ADAM2: variants seen among roughly 807,000 people sequenced by gnomAD.
ADAM2 encodes the protein disintegrin and metalloproteinase domain-containing protein 2.
A neutral mutation model predicts 99.3 loss-of-function variants in ADAM2; 101 were observed. That is an observed-to-expected ratio of 1.02 (90% CI 0.87 to 1.20). ADAM2 has a LOEUF of 1.20. Among genes scored for constraint, ADAM2 ranks in the 50% most tolerant of loss-of-function variants. ADAM2 has a pLI of 0.00. For synonymous variants in ADAM2, 323 were observed against 287.6 expected, an observed-to-expected ratio of 1.12 and a Z score of -1.25; for missense variants, 948 against 878.7, an observed-to-expected ratio of 1.08 and a Z score of -1.00.
At chr8:39,760,746 A>AT (rs1425311638) in intron 15 of ADAM2, among the ~76,000 whole-genome samples, 7 of 151,676 alleles carry the variant, frequency 4.6e-5, no homozygotes, top group African/African-American at 1.5e-4. Context: ...AAATAAAAAA[A>AT]AAACACATTT....
chr8:39,804,659 G>C (rs986727547), intron 7 of ADAM2, among the ~76,000 whole-genome samples: 1 of 152,038 alleles, frequency 6.6e-6, no homozygotes, highest in South Asian at 2.1e-4. Flanking sequence ...GGAAGAAATA[G>C]TTACGTTGAC....
At chr8:39,760,457 C>T (rs1016798044) in intron 15 of ADAM2, among the ~76,000 whole-genome samples, 13 of 152,302 alleles carry the variant, frequency 8.5e-5, no homozygotes, top group African/African-American at 3.1e-4. Flanking sequence ...CGCGGTGGCT[C>T]ACGCCTATAA....
At chr8:39,832,944 A>G (rs1805676302) in intron 3 of ADAM2, among the ~76,000 whole-genome samples, 1 of 152,154 alleles carries the variant, frequency 6.6e-6, no homozygotes, top group South Asian at 2.1e-4. Context: ...ATCTACTGTT[A>G]TGCTTACATT....
intron 2 of ADAM2, among the ~76,000 whole-genome samples, chr8:39,835,432 C>G (rs981197104): frequency 1.3e-5 from 2 of 152,070 alleles, no homozygotes; most frequent in Non-Finnish European, 2.9e-5. Context: ...CGCCTGTAAT[C>G]CCAGAACTTT....
rs376236129 is a variant in ADAM2 at position 39,775,681 on chromosome 8, G to A, written c.1028+1344C>T. Among the ~76,000 whole-genome samples the A allele has an allele frequency of 8.5e-5, 13 of 152,228 alleles. No individual in the cohort carries two copies. The East Asian group carries it at 2.1e-3, about 25-fold the overall frequency. The stretch of plus-strand genomic sequence containing the variant: ...TTAGAAAATCCCTACAAGGATATTA[G>A]TGTATGGTGACTGAGAAATATTGGT... On this transcript the variant is annotated intron_variant, in intron 11 of 20. Coordinates refer to ENST00000265708, the MANE Select transcript of ADAM2 (RefSeq NM_001464.5).
At chr8:39,782,957 G>A (rs2129585003) in intron 10 of ADAM2, among the ~76,000 whole-genome samples, 1 of 152,170 alleles carries the variant, frequency 6.6e-6, no homozygotes, top group Non-Finnish European at 1.5e-5. Context: ...GATGGAGTTA[G>A]ATCATCTACA....
In ADAM2 at chr8:39,838,211, G is replaced by A; in HGVS notation, c.-26C>T. 9.3e-6 allele frequency: 15 copies of A among 1,613,970 alleles called. No individual in the cohort carries two copies. Among genetic ancestry groups the A allele is most frequent in the Non-Finnish European group, 1.3e-5 (15 of 1,179,862 alleles). On this transcript the variant is annotated 5_prime_UTR_variant, in exon 1 of 21. Coordinates refer to ENST00000265708, the MANE Select transcript of ADAM2 (RefSeq NM_001464.5). ...GGCTTGAAGTCCTGGGTCCCAGCCG[G>A]AATAATGGCAGTTGGTGGTTACAGG...
At chr8:39,811,626 T>C (rs553481777) in intron 6 of ADAM2, among the ~76,000 whole-genome samples, 64 of 152,170 alleles carry the variant, frequency 4.2e-4, no homozygotes, top group African/African-American at 1.4e-3. Flanking sequence ...GTTCAACATA[T>C]TCAAATCAAT....
Position 39,809,401 on chromosome 8 carries a change from T to A in ADAM2, c.570+9A>T, listed in dbSNP as rs746027071. ...ATTAAGGGACATAAATAAATCAGAA[T>A]ATACTTACCAATTGTTTTTCAACTA... On this transcript the variant is annotated intron_variant, in intron 7 of 20. Coordinates refer to ENST00000265708, the MANE Select transcript of ADAM2 (RefSeq NM_001464.5). 4 of 1,059,338 alleles carry A rather than the reference T, an allele frequency of 3.8e-6. No homozygotes were observed. The highest frequency in any genetic ancestry group is 5.8e-6 in the Non-Finnish European group (4 of 691,190). The allele number at this position is 1,059,338 out of a possible 1,614,324, so 65.6% of individuals were successfully genotyped here. A position where few individuals can be genotyped will look rare whatever the true frequency, so the allele number is the denominator to read the frequency against.
At chr8:39,789,285 T>C (rs1271343280) in intron 7 of ADAM2, among the ~76,000 whole-genome samples, 2 of 151,712 alleles carry the variant, frequency 1.3e-5, no homozygotes, top group Non-Finnish European at 3.0e-5. Context: ...ACAATCGTAT[T>C]TAAAGACTTA....
intron 6 of ADAM2, among the ~76,000 whole-genome samples, chr8:39,820,559 G>A (rs1238637243): frequency 7.9e-5 from 12 of 152,048 alleles, no homozygotes; most frequent in Admixed American, 7.9e-4. Flanking sequence ...ACTTTCTGAG[G>A]ATATTAAATA....
intron 18 of ADAM2, among the ~76,000 whole-genome samples, chr8:39,748,120 A>G (rs112325617): frequency 2.0e-5 from 3 of 152,296 alleles, no homozygotes; most frequent in African/African-American, 7.2e-5. Flanking sequence ...TTCTGAGTGC[A>G]ATCAAATTTC....
intron 7 of ADAM2, among the ~76,000 whole-genome samples, chr8:39,804,043 G>A (rs923962498): frequency 6.6e-6 from 1 of 152,190 alleles, no homozygotes; most frequent in African/African-American, 2.4e-5. Flanking sequence ...AAGGAAAACA[G>A]AGTGCATGAT....
At chr8:39,783,614 AATTGTCGC>A (rs1401076621) in intron 10 of ADAM2, among the ~76,000 whole-genome samples, 1 of 152,150 alleles carries the variant, frequency 6.6e-6, no homozygotes, top group Admixed American at 6.6e-5. Context: ...AAAGACGTAT[AATTGTCGC>A]ATTGTAACCC....
chr8:39,769,387 C>G lies in ADAM2; in HGVS notation c.1212+5G>C, dbSNP rs780807722. 1 of 1,607,658 alleles carries G rather than the reference C, an allele frequency of 6.2e-7. No individual in the cohort carries two copies. The highest frequency in any genetic ancestry group is 8.5e-7 in the Non-Finnish European group (1 of 1,176,090). ...CAGTGCGTAGTCTTCCGAATTAGTA[C>G]CAACCTGTTCAGTCCCACAGTCACA... On this transcript the variant is annotated splice_donor_5th_base_variant and intron_variant, in intron 12 of 20. Transcript: ENST00000265708.
At chr8:39,749,040 A>C (rs1823592336) in intron 18 of ADAM2, among the ~76,000 whole-genome samples, 1 of 152,038 alleles carries the variant, frequency 6.6e-6, no homozygotes. Context: ...CAATTACCGG[A>C]TGCCTTACAC....
rs1163890271 is a variant in ADAM2, at chr8:39,821,675, A to G, written c.268-13T>C. The G allele has an allele frequency of 6.5e-7, 1 of 1,527,626 alleles. No individual in the cohort carries two copies. The highest frequency in any genetic ancestry group is 1.4e-5 in the African/African-American group (1 of 73,084). 94.6% of individuals were successfully genotyped at this position (1,527,626 alleles called of 1,614,324 possible). A position where few individuals can be genotyped will look rare whatever the true frequency, so the allele number is the denominator to read the frequency against. On this transcript the variant is annotated splice_polypyrimidine_tract_variant and intron_variant, in intron 4 of 20. Coordinates refer to ENST00000265708, the MANE Select transcript of ADAM2 (RefSeq NM_001464.5). The stretch of plus-strand genomic sequence containing the variant: ...AGTGGCAGAAATTCTGAAAGATAAA[A>G]TACACATATCTCCATTAGAATGGTT...
At chr8:39,788,529 C>T (rs546580682) in intron 8 of ADAM2, 140 bp downstream of exon 8, 1 of 601,608 alleles carries the variant, frequency 1.7e-6, no homozygotes, top group Non-Finnish European at 2.7e-6. Context: ...ATTATTCCCA[C>T]TTCAGATAAG....
At position 39,788,208 on chromosome 8, in the gene ADAM2, T is replaced by C. The variant is rs1411545489; in HGVS notation, c.686A>G (p.Glu229Gly). ...FNITIILSSL[E>G]LWIDENKIAT... ...AATTTTATTTTCATCTATCCAAAGCTCCAATGAAGACAGAATAATTGTAAT... is the reference window on the plus strand; with the variant it reads ...AATTTTATTTTCATCTATCCAAAGCCCCAATGAAGACAGAATAATTGTAAT... The change falls in exon 9 of 21, where the codon GAG (glutamate) becomes GGG (glycine). Residue 229 changes from glutamate to glycine, a missense_variant. Glu to Gly is a moderately conservative substitution (Grantham distance 98). Coordinates refer to ENST00000265708, the MANE Select transcript of ADAM2 (RefSeq NM_001464.5). 6.4e-7 allele frequency: 1 copy of C among 1,564,598 alleles called. No individual in the cohort carries two copies. The highest frequency in any genetic ancestry group is 8.7e-7 in the Non-Finnish European group (1 of 1,148,618).
Sources: allele counts gnomAD v4.1 joint callset (sites outside exome capture counted in the v4.1 genomes callset), GRCh38; gene constraint gnomAD v4.1.1; transcripts MANE v1.5; gene names NCBI Gene and HGNC (gene_info 2026-07-23, HGNC 2026-07-21).